The following DRC9 variants were observed in gnomAD, a reference collection of about 807,000 sequenced individuals.
DRC9 encodes the protein dynein regulatory complex subunit 9.
At chr3:197,947,207 C>T in the DRC9 span, among the ~76,000 whole-genome samples, 4 of 152,218 alleles carry the variant, frequency 2.6e-5, no homozygotes, top group Admixed American at 1.3e-4. Flanking sequence ...ACTACTCCAA[C>T]AACCTCTAAA....
chr3:197,920,753 C>T, the DRC9 span, among the ~76,000 whole-genome samples: 2 of 152,186 alleles, frequency 1.3e-5, no homozygotes, highest in Middle Eastern at 6.8e-3. Flanking sequence ...AATCTTGGTT[C>T]TTTTTTTCCC....
chr3:197,896,486 T>C, the DRC9 span, among the ~76,000 whole-genome samples: 3 of 152,082 alleles, frequency 2.0e-5, no homozygotes, highest in African/African-American at 7.2e-5. Context: ...ATAAAGTATA[T>C]AAATTAATTA....
the DRC9 span, among the ~76,000 whole-genome samples, chr3:197,932,889 AATATATGTATT>A: frequency 1.6e-4 from 19 of 120,942 alleles, no homozygotes; most frequent in East Asian, 5.9e-4. Flanking sequence ...ATATATGTAT[AATATATGTATT>A]ATATATGTAT....
At chr3:197,936,928 A>C in the DRC9 span, among the ~76,000 whole-genome samples, 1 of 152,176 alleles carries the variant, frequency 6.6e-6, no homozygotes, top group Non-Finnish European at 1.5e-5. Context: ...GACTTTAGCA[A>C]GATCTTACTC....
chr3:197,950,353 G>A, the DRC9 span: 1 of 1,222,366 alleles, frequency 8.2e-7, no homozygotes, highest in Non-Finnish European at 1.0e-6. Context: ...CAAGAAGAGG[G>A]AGAACAGGAT....
chr3:197,955,175 G>C, the DRC9 span, among the ~76,000 whole-genome samples: 1 of 152,082 alleles, frequency 6.6e-6, no homozygotes, highest in Non-Finnish European at 1.5e-5. Context: ...GTTGAACCCT[G>C]CTAAGTGGTT....
chr3:197,954,242 T>C, the DRC9 span: 1 of 1,280,062 alleles, frequency 7.8e-7, no homozygotes. Flanking sequence ...GGTTGTGAAA[T>C]TGACACCAGT....
At chr3:197,953,831 T>C in the DRC9 span, 1 of 688,356 alleles carries the variant, frequency 1.5e-6, no homozygotes, top group Non-Finnish European at 2.6e-6. Flanking sequence ...GGGCCTGGCA[T>C]ACAATAGTTA....
At chr3:197,930,144 C>T in the DRC9 span, among the ~76,000 whole-genome samples, 2 of 151,776 alleles carry the variant, frequency 1.3e-5, no homozygotes, top group Non-Finnish European at 2.9e-5. Context: ...CACTTGAGCT[C>T]AGGAGTTCGA....
At chr3:197,945,369 C>T in the DRC9 span, among the ~76,000 whole-genome samples, 1 of 152,208 alleles carries the variant, frequency 6.6e-6, no homozygotes, top group African/African-American at 2.4e-5. Flanking sequence ...CAGCCCCCAT[C>T]AAGTGTTCAG....
At chr3:197,889,881 G>A in the DRC9 span, among the ~76,000 whole-genome samples, 8 of 152,164 alleles carry the variant, frequency 5.3e-5, no homozygotes, top group Non-Finnish European at 7.3e-5. Context: ...CTCTCCTGTC[G>A]TGCAGGACCC....
the DRC9 span, among the ~76,000 whole-genome samples, chr3:197,955,221 G>C: frequency 1.3e-5 from 2 of 151,876 alleles, no homozygotes; most frequent in South Asian, 2.1e-4. Flanking sequence ...CTTTTACTCT[G>C]TCTTTAGAAG....
chr3:197,913,991 C>G, the DRC9 span: 1 of 1,614,126 alleles, frequency 6.2e-7, no homozygotes, highest in Non-Finnish European at 8.5e-7. Context: ...TTGGATTTTG[C>G]CTTCATCTCT....
chr3:197,921,459 C>T, the DRC9 span, among the ~76,000 whole-genome samples: 1 of 41,432 alleles, frequency 2.4e-5, no homozygotes, highest in Non-Finnish European at 4.2e-5. Flanking sequence ...TTGGTCGACC[C>T]GACTACTGGT....
At chr3:197,950,491 T>C in the DRC9 span, 1 of 355,060 alleles carries the variant, frequency 2.8e-6, no homozygotes. Flanking sequence ...CAGTTGTCCA[T>C]GAGGCAGTGC....
chr3:197,952,915 C>T, the DRC9 span, among the ~76,000 whole-genome samples: 387 of 152,184 alleles, frequency 2.5e-3, 17 homozygotes, highest in Admixed American at 0.025. Context: ...TCACTGCAAC[C>T]TCAGCTTCCC....
chr3:197,935,419 A>G, the DRC9 span, among the ~76,000 whole-genome samples: 2 of 151,104 alleles, frequency 1.3e-5, no homozygotes, highest in Non-Finnish European at 2.9e-5. Flanking sequence ...AGTATGGGCG[A>G]CAGAACGAGA....
the DRC9 span, among the ~76,000 whole-genome samples, chr3:197,919,122 T>G: frequency 6.6e-6 from 1 of 152,306 alleles, no homozygotes; most frequent in African/African-American, 2.4e-5. Context: ...TAAGTGTTTA[T>G]AAGGACGTAC....
At chr3:197,933,451 C>T in the DRC9 span, among the ~76,000 whole-genome samples, 1 of 151,302 alleles carries the variant, frequency 6.6e-6, no homozygotes, top group East Asian at 1.9e-4. Flanking sequence ...CAAAAAAACA[C>T]AAAAAACAAA....
Sources: gnomAD v4.1 joint callset for allele counts (sites outside exome capture counted in the v4.1 genomes callset) on GRCh38, gnomAD v4.1.1 for gene constraint, MANE v1.5 for transcripts, NCBI Gene and HGNC (gene_info 2026-07-23, HGNC 2026-07-21) for gene names.